The following SHISAL1 variants were observed in gnomAD, a reference collection of about 807,000 sequenced individuals.
SHISAL1 encodes the protein protein shisa-like-1.
A neutral mutation model predicts 22.6 loss-of-function variants in SHISAL1; 9 were observed. The ratio of observed to expected loss-of-function variants is 0.40; its 90% CI spans 0.24 to 0.70. The LOEUF is 0.70. Among genes scored for constraint, SHISAL1 ranks in the 30% least tolerant of loss-of-function variants. SHISAL1 has a pLI of 0.39. For missense variants in SHISAL1, 246 were observed against 270.6 expected, an observed-to-expected ratio of 0.91 and a Z score of 0.64; for synonymous variants, 119 against 115.4, an observed-to-expected ratio of 1.03 and a Z score of -0.20.
At chr22:44,280,845 C>G (rs555359904) in intron 4 of SHISAL1, among the ~76,000 whole-genome samples, 1 of 152,126 alleles carries the variant, frequency 6.6e-6, no homozygotes, top group African/African-American at 2.4e-5. Context: ...GCAGGTTGTG[C>G]GGCACTGGCG....
At chr22:44,266,554 GTGTGTTGGAGGGCTCTGGTGTGTA>G (rs1173828327) in intron 4 of SHISAL1, among the ~76,000 whole-genome samples, 8 of 147,774 alleles carry the variant, frequency 5.4e-5, no homozygotes, top group Non-Finnish European at 1.0e-4. Flanking sequence ...GTGTGTGTGT[GTGTGTTGGAGGGCTCTGGTGTGTA>G]TGTGTGTGTT....
Position 44,305,862 on chromosome 22 carries a change from G to A in SHISAL1, c.-32-4885C>T, listed in dbSNP as rs545719640. ...GCCCCAGGGGCGTGTGGGGAACTCTGGATGAAGGGGTCTGGGGGATTCTGC... is the reference window on the plus strand; with the variant it reads ...GCCCCAGGGGCGTGTGGGGAACTCTAGATGAAGGGGTCTGGGGGATTCTGC... On this transcript the variant is annotated intron_variant, in intron 1 of 4. Transcript: ENST00000381176. Among the ~76,000 whole-genome samples the A allele has an allele frequency of 1.6e-4, 24 of 152,294 alleles. No homozygotes were observed. The South Asian group carries it at 2.3e-3, about 14-fold the overall frequency.
At chr22:44,291,291 C>T (rs577580884) in intron 3 of SHISAL1, among the ~76,000 whole-genome samples, 2 of 152,340 alleles carry the variant, frequency 1.3e-5, no homozygotes, top group South Asian at 2.1e-4. Flanking sequence ...GAAGCCTTCG[C>T]TTCTCAAGCT....
chr22:44,330,258 C>T, the SHISAL1 span, among the ~76,000 whole-genome samples: 1 of 152,218 alleles, frequency 6.6e-6, no homozygotes, highest in Non-Finnish European at 1.5e-5. Context: ...ATTCTATCTT[C>T]CAGATGAGGA....
intron 3 of SHISAL1, among the ~76,000 whole-genome samples, chr22:44,292,064 G>C (rs2055356431): frequency 6.6e-6 from 1 of 152,184 alleles, no homozygotes; most frequent in Admixed American, 6.5e-5. Context: ...CAGGCAGCCA[G>C]AACCAAAACA....
intron 4 of SHISAL1, among the ~76,000 whole-genome samples, chr22:44,278,570 C>A (rs1447745468): frequency 6.6e-6 from 1 of 152,254 alleles, no homozygotes; most frequent in East Asian, 1.9e-4. Context: ...TGACCGCAGC[C>A]CCCAGGGGCG....
Position 44,269,165 on chromosome 22 carries a change from TC to T in SHISAL1, c.599+16262del, listed in dbSNP as rs565911016. On this transcript the variant is annotated intron_variant, in intron 4 of 4. Coordinates refer to ENST00000381176, the MANE Select transcript of SHISAL1 (RefSeq NM_001099294.2). ...AAACACACATACCATGCCACACAGA[TC>T]CACACAATATCACATACATATGCCA... Among the ~76,000 whole-genome samples the T allele has an allele frequency of 9.0e-4, 118 of 130,428 alleles. 1 individual carries two copies. Among genetic ancestry groups the T allele is most frequent in the African/African-American group, 3.2e-3 (107 of 33,516 alleles). The allele number at this position is 130,428 out of a possible 152,430, so 85.6% of individuals were successfully genotyped here.
intron 1 of SHISAL1, among the ~76,000 whole-genome samples, chr22:44,303,750 C>T (rs2055450309): frequency 6.6e-6 from 1 of 152,170 alleles, no homozygotes; most frequent in Admixed American, 6.5e-5. Flanking sequence ...CGAGGAAGCT[C>T]ACCTGCATAC....
chr22:44,304,273 G>A (rs1362300942), intron 1 of SHISAL1, among the ~76,000 whole-genome samples: 1 of 40,936 alleles, frequency 2.4e-5, no homozygotes, highest in African/African-American at 9.2e-5. Flanking sequence ...AGAGGTTGGA[G>A]ACTTCGGAGC....
At chr22:44,257,075 C>T (rs748892337) in intron 4 of SHISAL1, among the ~76,000 whole-genome samples, 14 of 152,200 alleles carry the variant, frequency 9.2e-5, no homozygotes, top group Non-Finnish European at 1.8e-4. Context: ...GCTGAGCGCC[C>T]GACGCGTGTG....
At chr22:44,300,799 C>T in intron 2 of SHISAL1, 80 bp downstream of exon 2, 1 of 1,254,736 alleles carries the variant, frequency 8.0e-7, no homozygotes, top group Admixed American at 1.7e-5. Context: ...CCCAGAACCC[C>T]AGATGGGCCA....
intron 4 of SHISAL1, among the ~76,000 whole-genome samples, chr22:44,268,827 C>A (rs918450194): frequency 6.6e-6 from 1 of 152,108 alleles, no homozygotes; most frequent in Non-Finnish European, 1.5e-5. Context: ...ACTCTGTATC[C>A]CCAGTCCTGG....
the SHISAL1 span, among the ~76,000 whole-genome samples, chr22:44,320,351 C>T: frequency 6.6e-6 from 1 of 152,160 alleles, no homozygotes; most frequent in East Asian, 1.9e-4. Context: ...ATTGCCAGCC[C>T]AGAACTGGGC....
intron 3 of SHISAL1, among the ~76,000 whole-genome samples, chr22:44,290,534 A>AAAAAAAAAAAC (rs1210853050): frequency 1.1e-4 from 16 of 151,480 alleles, no homozygotes; most frequent in East Asian, 9.7e-4. Context: ...AGTCTCAAAA[A>AAAAAAAAAAAC]AAAAAAAAAA....
intron 1 of SHISAL1, among the ~76,000 whole-genome samples, chr22:44,305,320 C>T (rs1293368173): frequency 6.6e-6 from 1 of 152,246 alleles, no homozygotes; most frequent in Non-Finnish European, 1.5e-5. Flanking sequence ...TCAGGGAGCA[C>T]AGGCAAGGGT....
At chr22:44,261,844 T>A (rs1026260537) in intron 4 of SHISAL1, among the ~76,000 whole-genome samples, 1 of 152,262 alleles carries the variant, frequency 6.6e-6, no homozygotes, top group Non-Finnish European at 1.5e-5. Context: ...TCCTAGGCAC[T>A]CTGCAGGTCA....
intron 4 of SHISAL1, among the ~76,000 whole-genome samples, chr22:44,267,014 C>A (rs1365578068): frequency 6.6e-6 from 1 of 152,138 alleles, no homozygotes; most frequent in Non-Finnish European, 1.5e-5. Flanking sequence ...CTATGCCCAG[C>A]GGCTTCTGGC....
At chr22:44,318,100 C>T in the SHISAL1 span, among the ~76,000 whole-genome samples, 1 of 152,258 alleles carries the variant, frequency 6.6e-6, no homozygotes, top group Non-Finnish European at 1.5e-5. Context: ...CATCCAGGAG[C>T]CCACCGTGGG....
the SHISAL1 span, among the ~76,000 whole-genome samples, chr22:44,321,762 C>T: frequency 6.6e-6 from 1 of 152,172 alleles, no homozygotes; most frequent in Non-Finnish European, 1.5e-5. Flanking sequence ...CGGGACCAAC[C>T]CCAGCGCAGC....
Sources: gnomAD v4.1 joint callset for allele counts (sites outside exome capture counted in the v4.1 genomes callset) on GRCh38, gnomAD v4.1.1 for gene constraint, MANE v1.5 for transcripts, NCBI Gene and HGNC (gene_info 2026-07-23, HGNC 2026-07-21) for gene names.